The following MKLN1 variants were observed in gnomAD, a reference collection of about 807,000 sequenced individuals.
MKLN1 encodes muskelin.
MKLN1 carries 18 observed loss-of-function variants against 99.0 expected under a neutral mutation model. That is an observed-to-expected ratio of 0.18 (90% confidence interval 0.13 to 0.27). The LOEUF (loss-of-function observed/expected upper bound fraction) is 0.27. MKLN1 is among the 10% of genes least tolerant of loss of function. The probability of loss-of-function intolerance (pLI) is 1.00; values close to 1 mark genes in which losing one functional copy is unlikely to be tolerated. For missense variants in MKLN1, 621 were observed against 875.9 expected (o/e 0.71, Z 3.67); for synonymous variants, 288 against 293.2 (o/e 0.98, Z 0.18).
At chr7:131,373,865 A>G (rs1793546849) in intron 1 of MKLN1, among the ~76,000 whole-genome samples, 1 of 152,140 alleles carries the variant, frequency 6.6e-6, no homozygotes, top group Admixed American at 6.5e-5. Flanking sequence ...AAGATCCCAC[A>G]TTACATTTAG....
At chr7:131,256,539 AG>A (rs1246051015) in intron 3 of MKLN1, among the ~76,000 whole-genome samples, 2 of 152,242 alleles carry the variant, frequency 1.3e-5, no homozygotes, top group African/African-American at 4.8e-5. Context: ...GCTACATTAG[AG>A]TAAGAAATGA....
chr7:131,231,051 C>T, intron 3 of MKLN1, among the ~76,000 whole-genome samples: 1 of 131,198 alleles, frequency 7.6e-6, no homozygotes, highest in East Asian at 2.4e-4. Flanking sequence ...ACCTGGGAGG[C>T]CGAGGTTGCA....
chr7:131,253,147 T>C (rs141745479), intron 3 of MKLN1, among the ~76,000 whole-genome samples: 1 of 152,268 alleles, frequency 6.6e-6, no homozygotes, highest in African/African-American at 2.4e-5. Flanking sequence ...GAAGAAATAT[T>C]TATTCAGGAA....
At chr7:131,234,335 CT>C (rs1797285726) in intron 3 of MKLN1, among the ~76,000 whole-genome samples, 1 of 152,182 alleles carries the variant, frequency 6.6e-6, no homozygotes. Context: ...AGAAAATTAA[CT>C]AAATTCATTA....
chr7:131,438,447 T>C (rs540041289), intron 10 of MKLN1, among the ~76,000 whole-genome samples: 1 of 149,438 alleles, frequency 6.7e-6, no homozygotes, highest in East Asian at 1.9e-4. Context: ...AGTCACAAAA[T>C]TGTATAAACC....
chr7:131,309,235 AATTTCTCT>A (rs1490837254), intron 3 of MKLN1, among the ~76,000 whole-genome samples: 3 of 151,930 alleles, frequency 2.0e-5, no homozygotes, highest in Non-Finnish European at 4.4e-5. Context: ...CAGATTTTGA[AATTTCTCT>A]TGTCTTCTAT....
chr7:131,232,514 C>G (rs1797257862), intron 3 of MKLN1, among the ~76,000 whole-genome samples: 1 of 152,160 alleles, frequency 6.6e-6, no homozygotes, highest in African/African-American at 2.4e-5. Context: ...GAATCTATTA[C>G]TTTATAATTA....
intron 3 of MKLN1, among the ~76,000 whole-genome samples, chr7:131,284,816 A>G (rs1208322776): frequency 6.6e-6 from 1 of 152,144 alleles, no homozygotes; most frequent in African/African-American, 2.4e-5. Context: ...GGCTTTTTCA[A>G]AGCCCTGAGG....
intron 2 of MKLN1, among the ~76,000 whole-genome samples, chr7:131,184,914 G>T (rs1406729570): frequency 6.6e-6 from 1 of 152,136 alleles, no homozygotes; most frequent in East Asian, 1.9e-4. Flanking sequence ...ATGCTAATTT[G>T]CTGAAGTGTC....
chr7:131,340,486 C>A (rs574534196), intron 1 of MKLN1, among the ~76,000 whole-genome samples: 10 of 152,000 alleles, frequency 6.6e-5, no homozygotes, highest in Non-Finnish European at 1.0e-4. Context: ...ATCATGTTGG[C>A]CAGGCTGGTC....
intron 1 of MKLN1, among the ~76,000 whole-genome samples, chr7:131,126,613 G>A (rs1795465679): frequency 6.6e-6 from 1 of 152,104 alleles, no homozygotes; most frequent in South Asian, 2.1e-4. Flanking sequence ...GAGTGCAGTG[G>A]TGCGATCTTG....
intron 12 of MKLN1, among the ~76,000 whole-genome samples, chr7:131,448,399 G>A (rs946345185): frequency 2.0e-5 from 3 of 152,098 alleles, no homozygotes; most frequent in African/African-American, 7.2e-5. Context: ...GTTATGGCTA[G>A]CTTTAGAGCA....
rs374532177 is a variant in MKLN1 at position 131,273,883 on chromosome 7, G to C, written c.-179+70909G>C. ...GGCCTCTCAAAGTGCTGGGATTATA[G>C]GTGTGAGCCACCGCGCCCAGCCTGA... On this transcript the variant is annotated intron_variant, in intron 3 of 7. Transcript: ENST00000416992. Among the ~76,000 whole-genome samples the C allele has an allele frequency of 6.5e-4, 99 of 152,118 alleles. 1 individual carries two copies. The highest frequency in any genetic ancestry group is 2.2e-3 in the African/African-American group (91 of 41,508).
At chr7:131,256,975 A>G (rs1031150456) in intron 3 of MKLN1, among the ~76,000 whole-genome samples, 3 of 152,212 alleles carry the variant, frequency 2.0e-5, no homozygotes, top group African/African-American at 7.2e-5. Context: ...TACAATTAAA[A>G]TAAAAGGTTA....
upstream of MKLN1, among the ~76,000 whole-genome samples, chr7:131,325,096 A>G (rs1373331849): frequency 6.6e-6 from 1 of 151,958 alleles, no homozygotes; most frequent in Non-Finnish European, 1.5e-5. Context: ...CTCTTTTAGC[A>G]TTATTCATTC....
At chr7:131,201,106 G>A (rs1324167752) in intron 2 of MKLN1, among the ~76,000 whole-genome samples, 5 of 151,984 alleles carry the variant, frequency 3.3e-5, no homozygotes, top group Admixed American at 6.6e-5. Flanking sequence ...TGCAACCTTC[G>A]CCTCCTGAAT....
At chr7:131,228,629 T>A (rs1304293406) in intron 3 of MKLN1, among the ~76,000 whole-genome samples, 1 of 152,180 alleles carries the variant, frequency 6.6e-6, no homozygotes, top group Non-Finnish European at 1.5e-5. Flanking sequence ...TTTGTGAGAA[T>A]TAAAGTGAAA....
intron 3 of MKLN1, among the ~76,000 whole-genome samples, chr7:131,217,420 G>A (rs1796999056): frequency 6.6e-6 from 1 of 152,226 alleles, no homozygotes; most frequent in African/African-American, 2.4e-5. Context: ...GGGATAGCTT[G>A]GGCACAGTGG....
intron 2 of MKLN1, among the ~76,000 whole-genome samples, chr7:131,175,085 CAGAG>C (rs1179191849): frequency 8.3e-5 from 12 of 144,570 alleles, no homozygotes; most frequent in African/African-American, 2.8e-4. Context: ...GATGGGGAGA[CAGAG>C]AGATAGGGTG....
Sources: allele counts gnomAD v4.1 joint callset (sites outside exome capture counted in the v4.1 genomes callset), GRCh38; gene constraint gnomAD v4.1.1; transcripts MANE v1.5; gene names NCBI Gene and HGNC (gene_info 2026-07-23, HGNC 2026-07-21).